NAV2: variants seen among roughly 807,000 people sequenced by gnomAD.
The protein encoded by NAV2 is neuron navigator 2.
A neutral mutation model predicts 223.2 loss-of-function variants in NAV2; 54 were observed. That is an observed-to-expected ratio of 0.24 (90% CI 0.19 to 0.30). NAV2 has a LOEUF of 0.30. NAV2 is among the 10% of genes least tolerant of loss of function. NAV2 has a pLI of 1.00. For synonymous variants in NAV2, 1,279 were observed against 1,239.3 expected (o/e 1.03, Z -0.67); for missense variants, 2,806 against 3,147.5 (o/e 0.89, Z 2.60).
At position 19,831,227 on chromosome 11, in the gene NAV2, G is replaced by T. The variant is rs1168098317; in HGVS notation, c.268-1257G>T. 2.7e-5 allele frequency among the ~76,000 whole-genome samples: 3 copies of T among 111,948 alleles called. 1 individual carries two copies. The highest frequency in any genetic ancestry group is 5.7e-5 in the Non-Finnish European group (3 of 53,034). The allele number at this position is 111,948 out of a possible 152,430, so 73.4% of individuals were successfully genotyped here. On this transcript the variant is annotated intron_variant, in intron 1 of 37. Transcript: ENST00000349880. ...GTTCCCATTCCAGGAGTGTTGCGGG[G>T]GGGGGGGGGGCGCGATGGGGAGTGG...
chr11:19,952,898 T>C (rs1007616302), intron 10 of NAV2, among the ~76,000 whole-genome samples: 1 of 152,212 alleles, frequency 6.6e-6, no homozygotes, highest in African/African-American at 2.4e-5. Context: ...GCCTGGTATA[T>C]ACCAGGCATG....
chr11:19,897,163 C>T, intron 6 of NAV2, among the ~76,000 whole-genome samples: 1 of 151,896 alleles, frequency 6.6e-6, no homozygotes, highest in East Asian at 1.9e-4. Flanking sequence ...TGTTCTCACT[C>T]ATAGGTGGGA....
intron 1 of NAV2, among the ~76,000 whole-genome samples, chr11:19,555,199 G>T (rs182366061): frequency 6.6e-6 from 1 of 152,330 alleles, no homozygotes; most frequent in African/African-American, 2.4e-5. Context: ...AGGTGGGGAA[G>T]CAGAAGCTGG....
At chr11:19,912,889 A>G (rs943538525) in intron 6 of NAV2, among the ~76,000 whole-genome samples, 3 of 152,256 alleles carry the variant, frequency 2.0e-5, no homozygotes, top group Admixed American at 6.5e-5. Flanking sequence ...GGATTAAGGC[A>G]TGTAATCCGA....
At chr11:19,624,348 A>G (rs989590293) in intron 1 of NAV2, among the ~76,000 whole-genome samples, 3 of 152,152 alleles carry the variant, frequency 2.0e-5, no homozygotes, top group Admixed American at 6.5e-5. Context: ...TTTTTCAGCT[A>G]TGCCCTGCCC....
rs1230485075 is a variant in NAV2, at chr11:20,083,173, A to G, written c.5492A>G (p.Asn1831Ser). The change falls in exon 26 of 38, where the codon AAC becomes AGC. Residue 1831 changes from asparagine to serine, a missense_variant. By Grantham distance (46) the Asn-to-Ser change is conservative. Around this residue, in one of 4 missense-constraint regions of NAV2, gnomAD observed 824 missense variants for 1,069.4 expected, o/e 0.77. Coordinates refer to ENST00000349880, the MANE Select transcript of NAV2 (RefSeq NM_145117.5). ...CCACTGCTGAGGAATTCTCACTCCAACTCTCTGTAAGTCTGTCTGTCTAGT... is the reference window on the plus strand; with the variant it reads ...CCACTGCTGAGGAATTCTCACTCCAGCTCTCTGTAAGTCTGTCTGTCTAGT... ...STPLLRNSHS[N>S]SLISECMDSE... is the part of the protein sequence containing the mutation. The G allele has an allele frequency of 3.7e-6, 6 of 1,611,536 alleles. No homozygotes were observed. Among genetic ancestry groups the G allele is most frequent in the Non-Finnish European group, 5.1e-6 (6 of 1,178,904 alleles).
chr11:19,539,160 C>G (rs1351688692), intron 1 of NAV2, among the ~76,000 whole-genome samples: 3 of 152,232 alleles, frequency 2.0e-5, no homozygotes, highest in Non-Finnish European at 4.4e-5. Context: ...ATTCTACGTA[C>G]TGAGCCTCAT....
intron 1 of NAV2, among the ~76,000 whole-genome samples, chr11:19,763,002 C>T (rs2054895182): frequency 6.6e-6 from 1 of 152,186 alleles, no homozygotes; most frequent in African/African-American, 2.4e-5. Context: ...TTCCTTCATA[C>T]TTCTTAGCAC....
intron 1 of NAV2, among the ~76,000 whole-genome samples, chr11:19,665,937 G>GTCATCA (rs530657977): frequency 6.6e-6 from 1 of 151,652 alleles, no homozygotes; most frequent in Admixed American, 6.6e-5. Flanking sequence ...CATCATCATC[G>GTCATCA]TCATCATCAT....
At chr11:19,831,243 T>TGGGGG (rs1565392533) in intron 1 of NAV2, among the ~76,000 whole-genome samples, 14 of 1,862 alleles carry the variant, frequency 7.5e-3, no homozygotes, top group Admixed American at 7.0e-3. Context: ...GGGGGCGCGA[T>TGGGGG]GGGGAGTGGG....
chr11:19,714,353 G>T (rs1025104106), intron 1 of NAV2: 1 of 483,810 alleles, frequency 2.1e-6, no homozygotes, highest in South Asian at 1.5e-5. Context: ...CGGTTCCGCA[G>T]AGATTCTGTT....
chr11:19,921,730 G>A (rs774310685), intron 6 of NAV2, among the ~76,000 whole-genome samples: 1 of 152,128 alleles, frequency 6.6e-6, no homozygotes. Flanking sequence ...TCGATCTTGG[G>A]TAACTTACTT....
At chr11:20,030,038 A>G (rs1296907801) in intron 11 of NAV2, among the ~76,000 whole-genome samples, 10 of 152,228 alleles carry the variant, frequency 6.6e-5, no homozygotes, top group Admixed American at 4.6e-4. Context: ...TTAAAAAACC[A>G]AAAAGATAGG....
intron 11 of NAV2, among the ~76,000 whole-genome samples, chr11:19,991,840 G>A (rs1471136642): frequency 6.6e-6 from 1 of 151,788 alleles, no homozygotes; most frequent in Non-Finnish European, 1.5e-5. Flanking sequence ...TTCTTGCTAG[G>A]GTCAATCAAT....
chr11:19,738,818 G>A (rs1449744005), intron 1 of NAV2, among the ~76,000 whole-genome samples: 2 of 152,230 alleles, frequency 1.3e-5, no homozygotes, highest in Non-Finnish European at 2.9e-5. Flanking sequence ...GCCCACAGCA[G>A]TGCAGAGTTG....
At chr11:19,982,655 G>C (rs2153451114) in intron 10 of NAV2, among the ~76,000 whole-genome samples, 2 of 152,226 alleles carry the variant, frequency 1.3e-5, no homozygotes, top group South Asian at 4.2e-4. Flanking sequence ...GGGAACATTG[G>C]AGGTGTTGAA....
chr11:19,852,052 C>G (rs1277681782), intron 3 of NAV2, among the ~76,000 whole-genome samples: 2 of 152,220 alleles, frequency 1.3e-5, no homozygotes, highest in South Asian at 4.1e-4. Flanking sequence ...GTAAAGGAAA[C>G]AGATTCTCCT....
chr11:19,732,986 A>C (rs1218609820), intron 1 of NAV2, among the ~76,000 whole-genome samples: 1 of 152,166 alleles, frequency 6.6e-6, no homozygotes, highest in Non-Finnish European at 1.5e-5. Context: ...TGCTAGTTTT[A>C]TTGTCTTGAA....
At chr11:19,426,078 C>G (rs1231346253) in intron 1 of NAV2, among the ~76,000 whole-genome samples, 3 of 152,162 alleles carry the variant, frequency 2.0e-5, no homozygotes, top group Non-Finnish European at 4.4e-5. Context: ...TTGGACAACT[C>G]TAGCTCAGTG....
Sources: gnomAD v4.1 joint callset for allele counts (sites outside exome capture counted in the v4.1 genomes callset) on GRCh38, gnomAD v4.1.1 for gene constraint, gnomAD v4.1.1 regional missense constraint, MANE v1.5 for transcripts, NCBI Gene and HGNC (gene_info 2026-07-23, HGNC 2026-07-21) for gene names.